The following ATG7 variants were observed in gnomAD, a reference collection of about 807,000 sequenced individuals.
ATG7 encodes autophagy related 7, also known as ubiquitin-like modifier-activating enzyme ATG7.
A neutral mutation model predicts 82.4 loss-of-function variants in ATG7; 70 were observed. That is an observed-to-expected ratio of 0.85 (90% CI 0.70 to 1.04). ATG7 has a LOEUF of 1.04. Among genes scored for constraint, ATG7 ranks in the 50% least tolerant of loss-of-function variants. ATG7 has a pLI of 0.00. For synonymous variants in ATG7, 287 were observed against 313.0 expected, an observed-to-expected ratio of 0.92 and a Z score of 0.88; for missense variants, 792 against 864.3, an observed-to-expected ratio of 0.92 and a Z score of 1.05.
In ATG7 at chr3:11,378,626, G is replaced by T. The variant is rs772609518; in HGVS notation, c.1876-1346G>T. ...CTTGAACCCAGGAGGCAGAGGTTGC[G>T]GTGAGCTGAGATCACACCACTGTAC... On this transcript the variant is annotated intron_variant, in intron 18 of 20. Coordinates refer to ENST00000693202, the MANE Select transcript of ATG7 (RefSeq NM_001349232.2). Among the ~76,000 whole-genome samples, 7 of 143,130 alleles carry T rather than the reference G, an allele frequency of 4.9e-5. No individual in the cohort carries two copies. The Admixed American group carries it at 5.0e-4, about 10-fold the overall frequency. The allele number at this position is 143,130 out of a possible 152,430, so 93.9% of individuals were successfully genotyped here. A position where few individuals can be genotyped will look rare whatever the true frequency, so the allele number is the denominator to read the frequency against.
At chr3:11,306,019 A>G (rs1041922572) in intron 5 of ATG7, among the ~76,000 whole-genome samples, 7 of 152,232 alleles carry the variant, frequency 4.6e-5, no homozygotes, top group African/African-American at 1.7e-4. Flanking sequence ...TCTGAAATGC[A>G]AGTTAATCAT....
Position 11,555,025 on chromosome 3 carries a change from A to G in ATG7, c.*182A>G, listed in dbSNP as rs1419340845. 2.9e-6 allele frequency: 2 copies of G among 691,584 alleles called. No homozygotes were observed. The highest frequency in any genetic ancestry group is 4.6e-6 in the Non-Finnish European group (2 of 431,240). The allele number at this position is 691,584 out of a possible 1,614,324, so 42.8% of individuals were successfully genotyped here. A position where few individuals can be genotyped will look rare whatever the true frequency, so the allele number is the denominator to read the frequency against. On this transcript the variant is annotated 3_prime_UTR_variant, in exon 21 of 21. Transcript: ENST00000693202. The stretch of plus-strand genomic sequence containing the variant: ...TGTTCGGCGTTGCTCGGGATTCAAG[A>G]TACCACCAGTTCAGAGCTAAATAAT...
At chr3:11,328,968 T>C (rs1179706225) in intron 9 of ATG7, among the ~76,000 whole-genome samples, 1 of 152,110 alleles carries the variant, frequency 6.6e-6, no homozygotes, top group Non-Finnish European at 1.5e-5. Context: ...CACATGCCTG[T>C]CTGTAGTCCC....
intron 20 of ATG7, among the ~76,000 whole-genome samples, chr3:11,444,404 G>T (rs2084318723): frequency 6.6e-6 from 1 of 152,112 alleles, no homozygotes; most frequent in Non-Finnish European, 1.5e-5. Flanking sequence ...TGTCAGATAG[G>T]GCTGAGCTTT....
chr3:11,526,033 A>G (rs1010709868), intron 20 of ATG7, among the ~76,000 whole-genome samples: 61 of 152,302 alleles, frequency 4.0e-4, no homozygotes, highest in African/African-American at 1.2e-3. Flanking sequence ...TATAAATGTG[A>G]TAACTGCTGC....
rs1471449676 is a variant in ATG7, at chr3:11,525,092, AGTGGCGCGATCTCAGC to A, written c.2080-29718_2080-29703del. Among the ~76,000 whole-genome samples the A allele has an allele frequency of 3.3e-5, 5 of 152,056 alleles. No individual in the cohort carries two copies. In the East Asian group the frequency reaches 9.7e-4, roughly 29 times the overall value. Reference sequence around the variant, plus strand: ...GGCTCTGTCACCTAGGCTGGAGTGCAGTGGCGCGATCTCAGCCCACTGCAACCTCCACCTTCTGGGC... The same window carrying A: ...GGCTCTGTCACCTAGGCTGGAGTGCACCACTGCAACCTCCACCTTCTGGGC... On this transcript the variant is annotated intron_variant, in intron 20 of 20. Coordinates refer to ENST00000693202, the MANE Select transcript of ATG7 (RefSeq NM_001349232.2).
chr3:11,308,901 CT>C (rs1553607631), intron 6 of ATG7, 82 bp from the exon 7 acceptor site: 2 of 1,297,702 alleles, frequency 1.5e-6, no homozygotes, highest in Non-Finnish European at 1.1e-6. Flanking sequence ...GAGCCTGGTG[CT>C]TTTCAGCTCC....
chr3:11,574,781 A>ATGTG, the ATG7 span, among the ~76,000 whole-genome samples: 34 of 121,002 alleles, frequency 2.8e-4, no homozygotes, highest in African/African-American at 9.9e-4. Context: ...CAATTCAACT[A>ATGTG]TATATGTGTG....
At position 11,556,626 on chromosome 3, in the gene ATG7, G is replaced by A. The variant is rs551337320; in HGVS notation, c.*1783G>A. The A allele has an allele frequency of 4.4e-4, 66 of 150,404 alleles. No individual in the cohort carries two copies. The highest frequency in any genetic ancestry group is 1.4e-3 in the African/African-American group (58 of 40,732). 9.3% of individuals were successfully genotyped at this position (150,404 alleles called of 1,614,324 possible). ...AAAAAAAGATCAACTTTTTTTTTCC[G>A]AACAACAAAAAAAATGAATGATTAC... On this transcript the variant is annotated 3_prime_UTR_variant, in exon 21 of 21. Coordinates refer to ENST00000693202, the MANE Select transcript of ATG7 (RefSeq NM_001349232.2).
rs1193621466 is a variant in ATG7 at position 11,311,502 on chromosome 3, T to C, written c.412-1802T>C. On this transcript the variant is annotated intron_variant, in intron 7 of 20. Coordinates refer to ENST00000693202, the MANE Select transcript of ATG7 (RefSeq NM_001349232.2). ...CTGTAGTCCCAACTACTCGGGAGGCTGAGGCAGAAGAATTGCTTGAACCTG... is the reference window on the plus strand; with the variant it reads ...CTGTAGTCCCAACTACTCGGGAGGCCGAGGCAGAAGAATTGCTTGAACCTG... 2.0e-5 allele frequency among the ~76,000 whole-genome samples: 3 copies of C among 151,230 alleles called. No homozygotes were observed. In the East Asian group the frequency reaches 5.8e-4, roughly 29 times the overall value.
chr3:11,348,080 G>A (rs1292090616), intron 14 of ATG7, 45 bp downstream of exon 14: 2 of 1,564,346 alleles, frequency 1.3e-6, no homozygotes, highest in South Asian at 2.4e-5. Flanking sequence ...ATGTATAAAT[G>A]TTTAAGTCTT....
intron 20 of ATG7, among the ~76,000 whole-genome samples, chr3:11,450,898 G>A (rs1298593113): frequency 6.6e-6 from 1 of 152,116 alleles, no homozygotes; most frequent in Admixed American, 6.5e-5. Flanking sequence ...CCTTCCAAAG[G>A]GCTGGTGTCC....
chr3:11,561,782 C>T (rs1459681517), downstream of ATG7, among the ~76,000 whole-genome samples: 1 of 152,156 alleles, frequency 6.6e-6, no homozygotes. Flanking sequence ...ACCCCTTCAC[C>T]CGCTGTCCCA....
intron 20 of ATG7, among the ~76,000 whole-genome samples, chr3:11,511,491 A>ACT (rs1453892492): frequency 6.6e-6 from 1 of 151,898 alleles, no homozygotes; most frequent in Non-Finnish European, 1.5e-5. Flanking sequence ...AGATATAAAG[A>ACT]CTCTCCATGT....
At chr3:11,432,511 G>C (rs569804947) in intron 20 of ATG7, among the ~76,000 whole-genome samples, 4 of 151,922 alleles carry the variant, frequency 2.6e-5, no homozygotes, top group African/African-American at 7.3e-5. Context: ...AGCTTGGGAG[G>C]GGGGGTAAAG....
chr3:11,273,790 G>C (rs1381025476), intron 1 of ATG7, among the ~76,000 whole-genome samples: 1 of 152,060 alleles, frequency 6.6e-6, no homozygotes, highest in African/African-American at 2.4e-5. Context: ...TGGCGGTGGC[G>C]GCATTGTCAG....
At chr3:11,573,265 A>AGAGAGAGAGAG in the ATG7 span, among the ~76,000 whole-genome samples, 1 of 9,198 alleles carries the variant, frequency 1.1e-4, no homozygotes, top group African/African-American at 9.4e-4. Context: ...GAAAGAAAGA[A>AGAGAGAGAGAG]AGAAAGAAAG....
chr3:11,312,824 C>T (rs993058222), intron 7 of ATG7, among the ~76,000 whole-genome samples: 5 of 152,186 alleles, frequency 3.3e-5, no homozygotes, highest in African/African-American at 1.2e-4. Flanking sequence ...GTAGATAGTA[C>T]ATTAAGTATC....
intron 20 of ATG7, among the ~76,000 whole-genome samples, chr3:11,536,973 T>C (rs1416999762): frequency 1.3e-5 from 2 of 152,104 alleles, no homozygotes; most frequent in Non-Finnish European, 2.9e-5. Flanking sequence ...TGTCTCCTGG[T>C]ACTCCATGAT....
Sources: allele counts gnomAD v4.1 joint callset (sites outside exome capture counted in the v4.1 genomes callset), GRCh38; gene constraint gnomAD v4.1.1; transcripts MANE v1.5; gene names NCBI Gene and HGNC (gene_info 2026-07-23, HGNC 2026-07-21).